TOGARAM2: variants seen among roughly 807,000 people sequenced by gnomAD.
The protein encoded by TOGARAM2 is TOG array regulator of axonemal microtubules protein 2.
A neutral mutation model predicts 93.3 loss-of-function variants in TOGARAM2; 85 were observed. The observed-to-expected ratio is 0.91, with a 90% CI of 0.76 to 1.09. The LOEUF (loss-of-function observed/expected upper bound fraction) is 1.09, where lower values mean the gene tolerates loss of function less well. Among genes scored for constraint, TOGARAM2 ranks in the 50% least tolerant of loss-of-function variants. The pLI is 0.00. For synonymous variants in TOGARAM2, 593 were observed against 552.8 expected, an observed-to-expected ratio of 1.07 and a Z score of -1.02; for missense variants, 1,277 against 1,334.5, an observed-to-expected ratio of 0.96 and a Z score of 0.67.
chr2:28,996,922 T>C (rs547956420), intron 2 of TOGARAM2, among the ~76,000 whole-genome samples: 2 of 152,278 alleles, frequency 1.3e-5, no homozygotes, highest in Admixed American at 6.5e-5. Flanking sequence ...ATTGTGTATA[T>C]GTGCCACATT....
intron 1 of TOGARAM2, among the ~76,000 whole-genome samples, chr2:28,973,469 C>CCTTCCTTCCTTCCTT (rs1228397240): frequency 1.2e-5 from 1 of 80,868 alleles, no homozygotes; most frequent in Non-Finnish European, 2.7e-5. Context: ...CTTCCTTCCT[C>CCTTCCTTCCTTCCTT]CCTCCCTCCC....
In TOGARAM2 at chr2:28,957,372, G is replaced by A. The variant is rs1390763213; in HGVS notation, c.-147+675G>A. Among the ~76,000 whole-genome samples, 8 of 152,110 alleles carry A rather than the reference G, an allele frequency of 5.3e-5. No individual in the cohort carries two copies. In the South Asian group the frequency reaches 1.5e-3, roughly 28 times the overall value. ...ATTTTTGTATTTTTAGTAGAGACGG[G>A]GTTTCGCCATGTTGGCCAGGCTAGT... On this transcript the variant is annotated intron_variant, in intron 1 of 6. Coordinates refer to the TOGARAM2 transcript ENST00000401723.
At chr2:29,018,892 C>T (rs1664758870) in intron 10 of TOGARAM2, among the ~76,000 whole-genome samples, 1 of 152,164 alleles carries the variant, frequency 6.6e-6, no homozygotes, top group Non-Finnish European at 1.5e-5. Context: ...CTCTTTCAGG[C>T]TCAAAGACAG....
intron 1 of TOGARAM2, among the ~76,000 whole-genome samples, chr2:28,958,027 A>G (rs930852121): frequency 3.3e-5 from 5 of 152,210 alleles, no homozygotes; most frequent in Non-Finnish European, 2.9e-5. Context: ...CAAAAAAGAA[A>G]TTGATCTATT....
At chr2:29,030,276 A>C (rs1446111042) in intron 14 of TOGARAM2, among the ~76,000 whole-genome samples, 1 of 152,204 alleles carries the variant, frequency 6.6e-6, no homozygotes, top group Non-Finnish European at 1.5e-5. Context: ...ACCCTGTCTC[A>C]AAAAAATAAA....
intron 1 of TOGARAM2, among the ~76,000 whole-genome samples, chr2:28,990,517 C>T (rs1672669223): frequency 6.6e-6 from 1 of 152,232 alleles, no homozygotes; most frequent in African/African-American, 2.4e-5. Context: ...CTCACAGGCG[C>T]ATCTCCTCCA....
intron 1 of TOGARAM2, among the ~76,000 whole-genome samples, chr2:28,988,469 C>T (rs2148251910): frequency 6.6e-6 from 1 of 152,110 alleles, no homozygotes; most frequent in East Asian, 1.9e-4. Context: ...AGCCTGTGCC[C>T]TTCTCCCTCA....
chr2:28,987,904 G>A (rs752073601), intron 1 of TOGARAM2, among the ~76,000 whole-genome samples: 1 of 152,244 alleles, frequency 6.6e-6, no homozygotes, highest in Non-Finnish European at 1.5e-5. Context: ...GGGCCTGAGT[G>A]GCGGGGGGCC....
At chr2:28,985,079 A>G (rs1672406180) in intron 1 of TOGARAM2, among the ~76,000 whole-genome samples, 1 of 152,144 alleles carries the variant, frequency 6.6e-6, no homozygotes, top group South Asian at 2.1e-4. Context: ...CTAACCCCCC[A>G]TGTGTTGGTA....
chr2:29,022,083 G>A lies in TOGARAM2; in HGVS notation c.1361-75G>A, dbSNP rs544879409. On this transcript the variant is annotated intron_variant, in intron 10 of 19. Transcript: ENST00000379558. Reference sequence around the variant, plus strand: ...GGTGGCACGGCCTCCCATGGTGAGCGGTGGCAGGAGCGGCCACTCGGGCTC... The same window carrying A: ...GGTGGCACGGCCTCCCATGGTGAGCAGTGGCAGGAGCGGCCACTCGGGCTC... 199 of 1,586,032 alleles carry A rather than the reference G, an allele frequency of 1.3e-4. 3 individuals carry two copies. The African/African-American group carries it at 1.5e-3, about 12-fold the overall frequency.
chr2:29,038,972 G>A (rs1666275118), intron 18 of TOGARAM2, among the ~76,000 whole-genome samples: 1 of 152,188 alleles, frequency 6.6e-6, no homozygotes, highest in Non-Finnish European at 1.5e-5. Context: ...ACCTAGGGTA[G>A]AATCTGCCTC....
chr2:29,033,483 T>A lies in TOGARAM2; in HGVS notation c.2145T>A (p.Asn715Lys), dbSNP rs1313186853. The part of the protein sequence containing the change: ...AAIKQQGIED[N>K]DELPSAKGRK... ...ATTTTTTCAAGGGAATAGAAGATAA[T>A]GATGAACTTCCCTCTGCCAAAGGCC... is the stretch of plus-strand genomic sequence containing the variant. The change falls in exon 16 of 20, where the codon AAT (asparagine) becomes AAA (lysine). Residue 715 changes from asparagine (N) to lysine (K), a missense_variant. Physicochemically the swap from Asn to Lys is moderately conservative, Grantham distance 94. Coordinates refer to ENST00000379558, the MANE Select transcript of TOGARAM2 (RefSeq NM_199280.4). 2.5e-6 allele frequency: 4 copies of A among 1,613,256 alleles called. No homozygotes were observed. In the African/African-American group the frequency reaches 4.0e-5, roughly 16 times the overall value.
At chr2:29,003,711 C>A in intron 6 of TOGARAM2, 29 bp downstream of exon 6, 3 of 1,463,504 alleles carry the variant, frequency 2.0e-6, no homozygotes, top group Non-Finnish European at 2.7e-6. Context: ...ACCTTCCTTG[C>A]TGACTTCTCT....
chr2:29,029,300 G>GACACACACACACACAC (rs1558453550), intron 14 of TOGARAM2, among the ~76,000 whole-genome samples: 2 of 86,092 alleles, frequency 2.3e-5, no homozygotes. Context: ...CACACACACT[G>GACACACACACACACAC]GAATACTTAG....
chr2:29,049,348 A>G (rs778931161), intron 19 of TOGARAM2: 1 of 152,228 alleles, frequency 6.6e-6, no homozygotes, highest in African/African-American at 2.4e-5. Context: ...TTAAATGTAT[A>G]TACCACATTT....
rs1389626596 is a variant in TOGARAM2, at chr2:29,035,669, T to G, written c.2418+13T>G. 1.1e-5 allele frequency: 16 copies of G among 1,397,488 alleles called. No homozygotes were observed. The highest frequency in any genetic ancestry group is 1.5e-5 in the Non-Finnish European group (16 of 1,063,726). The allele number at this position is 1,397,488 out of a possible 1,614,324, so 86.6% of individuals were successfully genotyped here. ...CCACCTGGTCCAGGTGAGCACCGCT[T>G]GCTTTTACTCTCCCACCTGTCTCTC... On this transcript the variant is annotated intron_variant, in intron 17 of 19. Transcript: ENST00000379558.
intron 2 of TOGARAM2, 89 bp downstream of exon 2, chr2:28,994,951 T>A: frequency 6.7e-7 from 1 of 1,483,646 alleles, no homozygotes; most frequent in Non-Finnish European, 9.2e-7. Context: ...AAAAGGGAGA[T>A]GTGGGGATAA....
upstream of TOGARAM2, among the ~76,000 whole-genome samples, chr2:28,976,707 TAA>T (rs1672043958): frequency 1.3e-5 from 2 of 152,236 alleles, no homozygotes; most frequent in Admixed American, 6.5e-5. Context: ...TCATCTGCGA[TAA>T]GAGGGGCTTG....
rs534241259 is a variant in TOGARAM2, at chr2:28,964,256, C to A, written c.-147+7559C>A. ...GGTATATTCACATTTAAGACTGTTA[C>A]ATCTTCTTGATGAATTGACCCTTTT... On this transcript the variant is annotated intron_variant, in intron 1 of 6. Coordinates refer to the TOGARAM2 transcript ENST00000401723. 2.6e-5 allele frequency among the ~76,000 whole-genome samples: 4 copies of A among 152,326 alleles called. No homozygotes were observed. The East Asian group carries it at 7.7e-4, about 29-fold the overall frequency.
Sources: allele counts gnomAD v4.1 joint callset (sites outside exome capture counted in the v4.1 genomes callset), GRCh38; gene constraint gnomAD v4.1.1; transcripts MANE v1.5; gene names NCBI Gene and HGNC (gene_info 2026-07-23, HGNC 2026-07-21).